The following LARS2 variants were observed in gnomAD, a reference collection of about 807,000 sequenced individuals.
LARS2 encodes the protein leucyl-tRNA synthetase 2, mitochondrial.
LARS2 carries 81 observed loss-of-function variants against 116.6 expected under a neutral mutation model. The ratio of observed to expected loss-of-function variants is 0.69; its 90% CI spans 0.58 to 0.84. The LOEUF (loss-of-function observed/expected upper bound fraction) is 0.84. Among genes scored for constraint, LARS2 ranks in the 40% least tolerant of loss-of-function variants. The pLI, the probability that LARS2 is intolerant of heterozygous loss-of-function variation, is 0.00. For synonymous variants in LARS2, 396 were observed against 407.2 expected (o/e 0.97, Z 0.33); for missense variants, 968 against 1,114.5 (o/e 0.87, Z 1.87).
chr3:45,483,913 C>T (rs889759661), intron 10 of LARS2: 2 of 151,842 alleles, frequency 1.3e-5, no homozygotes, highest in African/African-American at 4.8e-5. Flanking sequence ...GAGATATAGA[C>T]CCTGGCCAGG....
chr3:45,484,649 T>TATATATATATATATATA lies in LARS2; in HGVS notation c.1019-1043_1019-1042insATATATATATATATATA. Among the ~76,000 whole-genome samples the TATATATATATATATATA allele has an allele frequency of 4.6e-3, 173 of 37,434 alleles. 7 individuals are homozygous for TATATATATATATATATA. Among genetic ancestry groups the TATATATATATATATATA allele is most frequent in the Middle Eastern group, 0.029 (1 of 34 alleles). 24.6% of individuals were successfully genotyped at this position (37,434 alleles called of 152,430 possible). The stretch of plus-strand genomic sequence containing the variant: ...AAAAAAAATATATATATATATATAT[T>TATATATATATATATATA]TAAAATAAGATGTTATTTTAAATAA... On this transcript the variant is annotated intron_variant, in intron 10 of 21. Transcript: ENST00000645846.
intron 15 of LARS2, among the ~76,000 whole-genome samples, chr3:45,501,278 A>G (rs980641682): frequency 1.3e-5 from 2 of 150,080 alleles, no homozygotes; most frequent in African/African-American, 2.4e-5. Context: ...TTCTACGCCC[A>G]CCACCTCGCC....
intron 6 of LARS2, 129 bp downstream of exon 6, chr3:45,419,858 C>T (rs1009645736): frequency 5.5e-6 from 4 of 731,676 alleles, no homozygotes; most frequent in African/African-American, 5.3e-5. Context: ...GAAGGATTAG[C>T]ACTCTTCAAA....
chr3:45,442,450 A>C (rs1175932420), intron 6 of LARS2, among the ~76,000 whole-genome samples: 1 of 152,360 alleles, frequency 6.6e-6, no homozygotes, highest in Non-Finnish European at 1.5e-5. Flanking sequence ...TCAAAATAGG[A>C]AATTTACTAC....
At chr3:45,413,884 G>T (rs1000111075) in intron 4 of LARS2, among the ~76,000 whole-genome samples, 8 of 152,186 alleles carry the variant, frequency 5.3e-5, no homozygotes, top group Non-Finnish European at 1.0e-4. Flanking sequence ...AAGTGTAAGT[G>T]CTTATGGGAC....
chr3:45,442,740 A>G (rs1333454738), intron 6 of LARS2, among the ~76,000 whole-genome samples: 3 of 152,194 alleles, frequency 2.0e-5, no homozygotes, highest in Non-Finnish European at 2.9e-5. Context: ...CCGATGGAGA[A>G]GGGCAACTCA....
chr3:45,397,072 T>C (rs1391515689), intron 3 of LARS2, among the ~76,000 whole-genome samples: 1 of 151,342 alleles, frequency 6.6e-6, no homozygotes, highest in African/African-American at 2.5e-5. Context: ...AGAAGTCATC[T>C]TTCTTCTAAA....
At chr3:45,444,446 G>A (rs1470787281) in intron 6 of LARS2, among the ~76,000 whole-genome samples, 2 of 143,776 alleles carry the variant, frequency 1.4e-5, no homozygotes, top group Admixed American at 1.4e-4. Flanking sequence ...GGCGGATCAC[G>A]AGGTCAGGAG....
intron 8 of LARS2, among the ~76,000 whole-genome samples, chr3:45,467,611 A>G (rs1699447169): frequency 6.6e-6 from 1 of 152,230 alleles, no homozygotes; most frequent in Non-Finnish European, 1.5e-5. Context: ...ATATATTGTA[A>G]GATACCACTG....
At chr3:45,488,140 TA>T (rs1015062648) in intron 11 of LARS2, among the ~76,000 whole-genome samples, 3 of 151,018 alleles carry the variant, frequency 2.0e-5, no homozygotes, top group East Asian at 1.9e-4. Context: ...TTGTAACTAT[TA>T]AAAAAAAATA....
chr3:45,501,461 GT>G (rs1411695760), intron 15 of LARS2, among the ~76,000 whole-genome samples: 1 of 151,982 alleles, frequency 6.6e-6, no homozygotes, highest in Non-Finnish European at 1.5e-5. Context: ...TCACTCAACA[GT>G]TTTTTGAGAT....
chr3:45,464,456 G>A (rs752437959), intron 8 of LARS2, among the ~76,000 whole-genome samples: 3 of 152,166 alleles, frequency 2.0e-5, no homozygotes, highest in South Asian at 2.1e-4. Context: ...CTTTCTGCTC[G>A]TAACTTCAGA....
chr3:45,411,762 C>T (rs1438158232), intron 4 of LARS2, among the ~76,000 whole-genome samples: 1 of 152,004 alleles, frequency 6.6e-6, no homozygotes, highest in Non-Finnish European at 1.5e-5. Context: ...ATACTCCTGC[C>T]AGAGTTTACC....
At chr3:45,473,683 CTGT>C (rs1259490411) in intron 8 of LARS2, among the ~76,000 whole-genome samples, 17 of 149,152 alleles carry the variant, frequency 1.1e-4, no homozygotes, top group Admixed American at 4.0e-4. Flanking sequence ...TGCACCTGGC[CTGT>C]TGTTGTTTTT....
intron 18 of LARS2, chr3:45,519,825 T>A (rs1700425707): frequency 6.0e-6 from 1 of 166,832 alleles, no homozygotes; most frequent in Non-Finnish European, 1.3e-5. Flanking sequence ...TTTTTTGTAT[T>A]TTTGTAGAAA....
At chr3:45,509,428 G>A (rs1037384940) in intron 15 of LARS2, 1 of 152,146 alleles carries the variant, frequency 6.6e-6, no homozygotes, top group Admixed American at 6.6e-5. Flanking sequence ...TGGGTTCCAA[G>A]TCCAGCAGGG....
chr3:45,492,218 A>T (rs920172976), intron 13 of LARS2, among the ~76,000 whole-genome samples: 4 of 152,160 alleles, frequency 2.6e-5, no homozygotes, highest in African/African-American at 9.7e-5. Flanking sequence ...AACAGTGGAG[A>T]TTTTATCATG....
At position 45,549,336 on chromosome 3, in the gene LARS2, A is replaced by G. The variant is rs1700915031; in HGVS notation, c.*1806A>G. On this transcript the variant is annotated 3_prime_UTR_variant, in exon 22 of 22. Coordinates refer to ENST00000645846, the MANE Select transcript of LARS2 (RefSeq NM_015340.4). ...AGGGGCCAGAAGTCTAGAGTGCTAG[A>G]GCCGACTTGAATGTACTCAGTCTCA... The G allele has an allele frequency of 6.6e-6, 1 of 152,256 alleles. No homozygotes were observed. The highest frequency in any genetic ancestry group is 1.5e-5 in the Non-Finnish European group (1 of 68,048). 9.4% of individuals were successfully genotyped at this position (152,256 alleles called of 1,614,324 possible). A position where few individuals can be genotyped will look rare whatever the true frequency, so the allele number is the denominator to read the frequency against.
At chr3:45,494,205 G>A (rs984011419) in intron 13 of LARS2, among the ~76,000 whole-genome samples, 4 of 152,094 alleles carry the variant, frequency 2.6e-5, no homozygotes, top group African/African-American at 9.7e-5. Flanking sequence ...CCAGATCTAG[G>A]GCGCCCATGC....
Sources: gnomAD v4.1 joint callset for allele counts (sites outside exome capture counted in the v4.1 genomes callset) on GRCh38, gnomAD v4.1.1 for gene constraint, MANE v1.5 for transcripts, NCBI Gene and HGNC (gene_info 2026-07-23, HGNC 2026-07-21) for gene names.